The following PLA2G4A variants were observed in gnomAD, a reference collection of about 807,000 sequenced individuals.
PLA2G4A encodes the protein phospholipase A2 group IVA, also known as cytosolic phospholipase A2.
PLA2G4A carries 40 observed loss-of-function variants against 81.9 expected under a neutral mutation model. That is an observed-to-expected ratio of 0.49 (90% confidence interval 0.38 to 0.64). PLA2G4A has a LOEUF of 0.64. Among genes scored for constraint, PLA2G4A ranks in the 30% least tolerant of loss-of-function variants. The pLI is 0.00. For missense variants in PLA2G4A, 715 were observed against 905.1 expected, an observed-to-expected ratio of 0.79 and a Z score of 2.69; for synonymous variants, 302 against 296.9, an observed-to-expected ratio of 1.02 and a Z score of -0.18.
chr1:186,911,543 C>T (rs1654943221), intron 7 of PLA2G4A, among the ~76,000 whole-genome samples, 154 bp downstream of exon 7: 1 of 152,068 alleles, frequency 6.6e-6, no homozygotes, highest in African/African-American at 2.4e-5. Flanking sequence ...AATGAAAACT[C>T]TTTGAGGAAG....
intron 13 of PLA2G4A, among the ~76,000 whole-genome samples, chr1:186,953,829 TAAG>T (rs1656649576): frequency 6.6e-6 from 1 of 152,176 alleles, no homozygotes; most frequent in Non-Finnish European, 1.5e-5. Context: ...GCTTATTGAA[TAAG>T]AAGAAGAAAA....
intron 2 of PLA2G4A, among the ~76,000 whole-genome samples, chr1:186,863,777 T>TTG (rs759104881): frequency 0.025 from 3,726 of 148,370 alleles, 155 homozygotes; most frequent in African/African-American, 0.086. Flanking sequence ...TTTTTTTTTT[T>TTG]GGGGACAGAG....
At chr1:186,864,514 C>T (rs140332501) in intron 2 of PLA2G4A, among the ~76,000 whole-genome samples, 1 of 151,848 alleles carries the variant, frequency 6.6e-6, no homozygotes, top group Non-Finnish European at 1.5e-5. Flanking sequence ...GAGGTAATAT[C>T]TCATCGTGGT....
chr1:186,887,214 T>C (rs1653967911), intron 3 of PLA2G4A, among the ~76,000 whole-genome samples: 1 of 152,136 alleles, frequency 6.6e-6, no homozygotes. Context: ...ACAAGAATTG[T>C]AACAAATTAC....
At chr1:186,944,146 G>A (rs1656255737) in intron 10 of PLA2G4A, among the ~76,000 whole-genome samples, 1 of 152,128 alleles carries the variant, frequency 6.6e-6, no homozygotes, top group African/African-American at 2.4e-5. Context: ...GAAGGGTGAT[G>A]AGTTCTTATC....
At chr1:186,894,497 T>C (rs10911949) in intron 5 of PLA2G4A, among the ~76,000 whole-genome samples, 59,852 of 151,910 alleles carry the variant, frequency 0.39, 12,947 homozygotes, top group Non-Finnish European at 0.49. Flanking sequence ...TGGACTCTAA[T>C]GGCAAAATTT....
intron 3 of PLA2G4A, among the ~76,000 whole-genome samples, chr1:186,875,146 G>T (rs148585334): frequency 1.1e-4 from 16 of 152,116 alleles, no homozygotes; most frequent in South Asian, 2.1e-4. Context: ...GAAAGACAAG[G>T]TCTAGGCAAT....
intron 2 of PLA2G4A, among the ~76,000 whole-genome samples, chr1:186,868,923 T>C (rs1653137487): frequency 7.2e-6 from 1 of 139,764 alleles, no homozygotes. Context: ...TCTCTCATCC[T>C]TTTTTTTTTT....
intron 1 of PLA2G4A, among the ~76,000 whole-genome samples, chr1:186,837,566 A>AT (rs1651826187): frequency 8.4e-6 from 1 of 118,668 alleles, no homozygotes; most frequent in Non-Finnish European, 1.6e-5. Context: ...CATCTGTACT[A>AT]AAAAAAAAAA....
intron 14 of PLA2G4A, among the ~76,000 whole-genome samples, chr1:186,959,679 A>G (rs5027750): frequency 0.77 from 116,480 of 152,016 alleles, 46,380 homozygotes; most frequent in South Asian, 0.89. Flanking sequence ...GTCCTTACAA[A>G]GATAGATCTG....
chr1:186,852,897 T>A (rs1027934202), intron 1 of PLA2G4A, among the ~76,000 whole-genome samples: 2 of 152,024 alleles, frequency 1.3e-5, no homozygotes, highest in Non-Finnish European at 2.9e-5. Flanking sequence ...TCATGATAAA[T>A]TAGACTCATA....
chr1:186,951,716 G>A (rs1656567964), intron 13 of PLA2G4A, among the ~76,000 whole-genome samples: 1 of 152,112 alleles, frequency 6.6e-6, no homozygotes, highest in Non-Finnish European at 1.5e-5. Context: ...AGATGTGTTT[G>A]TGTAAATTAA....
At chr1:186,915,294 T>C (rs1036140377) in intron 7 of PLA2G4A, among the ~76,000 whole-genome samples, 3 of 152,176 alleles carry the variant, frequency 2.0e-5, no homozygotes, top group African/African-American at 7.2e-5. Flanking sequence ...TTTTGACAGA[T>C]AGCATTTCTC....
chr1:186,925,175 CAAACTTA>C (rs1406912279), intron 7 of PLA2G4A, among the ~76,000 whole-genome samples: 1 of 152,148 alleles, frequency 6.6e-6, no homozygotes, highest in Non-Finnish European at 1.5e-5. Context: ...TAAATATCTA[CAAACTTA>C]CTTGATTTCT....
intron 8 of PLA2G4A, among the ~76,000 whole-genome samples, chr1:186,938,388 G>A (rs12405420): frequency 0.31 from 46,442 of 151,906 alleles, 9,638 homozygotes; most frequent in African/African-American, 0.58. Flanking sequence ...AAGAGGCTTC[G>A]TAAGAAAGCA....
chr1:186,879,169 A>G (rs1020018726), intron 3 of PLA2G4A, among the ~76,000 whole-genome samples: 5 of 151,922 alleles, frequency 3.3e-5, no homozygotes, highest in African/African-American at 7.2e-5. Context: ...CTCACTTAAT[A>G]TATCAATATA....
chr1:186,851,417 T>C (rs1281874634), intron 1 of PLA2G4A, among the ~76,000 whole-genome samples: 1 of 151,960 alleles, frequency 6.6e-6, no homozygotes, highest in African/African-American at 2.4e-5. Flanking sequence ...ATATGGATGG[T>C]AAAGATGAAA....
At chr1:186,939,286 AATATTAT>A in intron 9 of PLA2G4A, 56 bp downstream of exon 9, 1 of 711,986 alleles carries the variant, frequency 1.4e-6, no homozygotes, top group Non-Finnish European at 2.4e-6. Flanking sequence ...AACATATTAT[AATATTAT>A]ATTTTAAATA....
intron 6 of PLA2G4A, among the ~76,000 whole-genome samples, chr1:186,910,697 G>T (rs1013984829): frequency 6.6e-6 from 1 of 152,120 alleles, no homozygotes; most frequent in Non-Finnish European, 1.5e-5. Flanking sequence ...TCCTCTAGTG[G>T]TAAACTCATT....
Sources: allele counts gnomAD v4.1 joint callset (sites outside exome capture counted in the v4.1 genomes callset), GRCh38; gene constraint gnomAD v4.1.1; transcripts MANE v1.5; gene names NCBI Gene and HGNC (gene_info 2026-07-23, HGNC 2026-07-21).